Variants in WDR81 observed in about 807,000 individuals in gnomAD.
The protein encoded by WDR81 is WD repeat-containing protein 81.
A neutral mutation model predicts 140.8 loss-of-function variants in WDR81; 92 were observed. That is an observed-to-expected ratio of 0.65 (90% CI 0.55 to 0.78). The LOEUF (loss-of-function observed/expected upper bound fraction) is 0.78. WDR81 is among the 30% of genes least tolerant of loss of function. WDR81 has a pLI of 0.00. For synonymous variants in WDR81, 1,183 were observed against 1,156.4 expected (o/e 1.02, Z -0.47); for missense variants, 2,502 against 2,636.4 (o/e 0.95, Z 1.12).
Position 1,725,652 on chromosome 17 carries a change from G to GT in WDR81, c.694dup (p.Tyr232LeufsTer13). The GT allele has an allele frequency of 6.5e-7, 1 of 1,546,634 alleles. No homozygotes were observed. Among genetic ancestry groups the GT allele is most frequent in the Non-Finnish European group, 8.7e-7 (1 of 1,146,988 alleles). On this transcript the variant is annotated frameshift_variant, in exon 1 of 10. Transcript: ENST00000409644. LOFTEE classifies it high-confidence loss of function. ...CCTTGCTGGAGTCGCCGGAGATGCT[G>GT]TATGTGGTACACCCTTACGTACAGT...
At position 1,731,057 on chromosome 17, in the gene WDR81, G is replaced by A. The variant is rs755486492; in HGVS notation, c.3967-11G>A. ...GGGGCTGCCCGGCCCTCATCTGCTC[G>A]GTGGCTCTAGGTGGCCCCAGGGAGT... is the stretch of plus-strand genomic sequence containing the variant. On this transcript the variant is annotated splice_polypyrimidine_tract_variant and intron_variant, in intron 3 of 9. Transcript: ENST00000409644. 8.7e-6 allele frequency: 14 copies of A among 1,610,620 alleles called. No homozygotes were observed. The highest frequency in any genetic ancestry group is 8.0e-5 in the African/African-American group (6 of 74,908).
intron 7 of WDR81, among the ~76,000 whole-genome samples, chr17:1,734,486 G>C (rs1393917753): frequency 6.6e-6 from 1 of 152,234 alleles, no homozygotes; most frequent in African/African-American, 2.4e-5. Context: ...AACTGGCGTA[G>C]AAGATAACAC....
Position 1,735,463 on chromosome 17 carries a change from A to G in WDR81, c.5180-109A>G. On this transcript the variant is annotated intron_variant, in intron 7 of 9. Coordinates refer to ENST00000409644, the MANE Select transcript of WDR81 (RefSeq NM_001163809.2). This position sits in a 1 kb window ranked among gnomAD's most constrained non-coding sequence, Gnocchi z 4.2. The stretch of plus-strand genomic sequence containing the variant: ...GAAACATCTTTAGCATTTTCTAAGG[A>G]TCCCTGGGGGACGGGAGGCAGGTGT... 8.7e-7 allele frequency: 1 copy of G among 1,143,996 alleles called. No individual in the cohort carries two copies. Among genetic ancestry groups the G allele is most frequent in the Non-Finnish European group, 1.2e-6 (1 of 834,350 alleles). The allele number at this position is 1,143,996 out of a possible 1,614,324, so 70.9% of individuals were successfully genotyped here.
rs755144200 is a variant in WDR81 at position 1,734,045 on chromosome 17, C to T, written c.5008C>T (p.Arg1670Cys). The change falls in exon 7 of 10, where the codon CGT becomes TGT. Residue 1670 changes from arginine (R) to cysteine (C), a missense_variant. By Grantham distance (180) the Arg-to-Cys change is radical (BLOSUM62 -3). Coordinates refer to ENST00000409644, the MANE Select transcript of WDR81 (RefSeq NM_001163809.2). ...CTTCTTCCTGAGCGGCAGCAAGGATCGTACCGTGCGCCTCTGGCCGCTGTA... is the reference window on the plus strand; with the variant it reads ...CTTCTTCCTGAGCGGCAGCAAGGATTGTACCGTGCGCCTCTGGCCGCTGTA... The part of the protein sequence containing the change: ...EDFFLSGSKD[R>C]TVRLWPLYNY... 30 of 1,609,628 alleles carry T rather than the reference C, an allele frequency of 1.9e-5. 1 individual carries two copies. In the Admixed American group the frequency reaches 2.3e-4, roughly 13 times the overall value.
rs542515276 is a variant in WDR81, at chr17:1,734,065, G to T, written c.5028G>T (p.Pro1676=). 12 of 1,607,142 alleles carry T rather than the reference G, an allele frequency of 7.5e-6. No individual in the cohort carries two copies. The highest frequency in any genetic ancestry group is 4.0e-5 in the African/African-American group (3 of 75,048). ...GSKDRTVRLW[P]LYNYGDGTSE... ...AGGATCGTACCGTGCGCCTCTGGCC[G>T]CTGTACAACTACGGCGACGGGACCA... is the stretch of plus-strand genomic sequence containing the variant. Residue 1676 remains proline (P), a synonymous_variant, in exon 7 of 10, where the codon CCG becomes CCT. Coordinates refer to ENST00000409644, the MANE Select transcript of WDR81 (RefSeq NM_001163809.2).
intron 9 of WDR81, among the ~76,000 whole-genome samples, chr17:1,737,101 C>T (rs957540110): frequency 5.3e-5 from 8 of 152,180 alleles, no homozygotes; most frequent in Non-Finnish European, 1.0e-4. Flanking sequence ...AGGGTTGTTA[C>T]GAAGGTCAAG....
chr17:1,725,789 A>T lies in WDR81; in HGVS notation c.830A>T (p.Gln277Leu). 6.4e-7 allele frequency: 1 copy of T among 1,550,652 alleles called. No individual in the cohort carries two copies. The highest frequency in any genetic ancestry group is 8.7e-7 in the Non-Finnish European group (1 of 1,147,012). Residue 277 changes from glutamine (Q) to leucine (L), a missense_variant, in exon 1 of 10, where the codon CAG becomes CTG. This residue lies in a region of WDR81 where 547 missense variants were observed against 513.8 expected (regional missense o/e 1.06). Transcript: ENST00000409644. ...VLRAMDACHR[Q>L]GLACGALSLY... ...AGGGCTATGGACGCCTGTCACCGCC[A>T]GGGGCTGGCGTGTGGGGCCCTGTCT...
Position 1,735,610 on chromosome 17 carries a change from G to C in WDR81, c.5218G>C (p.Val1740Leu). The C allele has an allele frequency of 1.2e-6, 2 of 1,612,632 alleles. No homozygotes were observed. Among genetic ancestry groups the C allele is most frequent in the Non-Finnish European group, 8.5e-7 (1 of 1,179,896 alleles). Reference protein sequence around the residue: ...LRTVEPLDSRVPLTAVAVMPA... With the variant: ...LRTVEPLDSRLPLTAVAVMPA... ...CACAGTGGAGCCGCTGGACAGCCGGGTGCCCCTGACTGCGGTGGCTGTCAT... is the reference window on the plus strand; with the variant it reads ...CACAGTGGAGCCGCTGGACAGCCGGCTGCCCCTGACTGCGGTGGCTGTCAT... Residue 1740 changes from valine (V) to leucine (L), a missense_variant, in exon 8 of 10, where the codon GTG becomes CTG. Val to Leu is a conservative substitution (Grantham distance 32). Transcript: ENST00000409644. The surrounding 1 kb of genome is among the most constrained non-coding windows in gnomAD (Gnocchi z 4.2).
At chr17:1,721,252 G>C (rs1007628014), upstream of WDR81, among the ~76,000 whole-genome samples, 3 of 152,048 alleles carry the variant, frequency 2.0e-5, no homozygotes, top group Non-Finnish European at 4.4e-5. Context: ...CCAGCTACTC[G>C]GGATGCTGAG....
At chr17:1,722,525 T>TA (rs1390375874), upstream of WDR81, among the ~76,000 whole-genome samples, 1 of 151,564 alleles carries the variant, frequency 6.6e-6, no homozygotes, top group Admixed American at 6.6e-5. Context: ...TTTTGTATTT[T>TA]AGTAGAGATG....
intron 1 of WDR81, among the ~76,000 whole-genome samples, chr17:1,729,140 T>A (rs1915512880): frequency 6.6e-6 from 1 of 152,076 alleles, no homozygotes; most frequent in Non-Finnish European, 1.5e-5. Flanking sequence ...GTGTATTATG[T>A]TAGTGCGATA....
rs534888864 is a variant in WDR81, at chr17:1,728,062, G to C, written c.3103G>C (p.Gly1035Arg). 11 of 1,576,086 alleles carry C rather than the reference G, an allele frequency of 7.0e-6. No individual in the cohort carries two copies. Among genetic ancestry groups the C allele is most frequent in the Non-Finnish European group, 9.5e-6 (11 of 1,161,874 alleles). Reference sequence around the variant, plus strand: ...AGGGGCTGCTGAGGAGGAGGAGAGCGGGCTGCCCGGGGCCGGGCCTGGCTC... The same window carrying C: ...AGGGGCTGCTGAGGAGGAGGAGAGCCGGCTGCCCGGGGCCGGGCCTGGCTC... ...LAGAAEEEESGLPGAGPGSCA... is the reference protein window; with the variant it reads ...LAGAAEEEESRLPGAGPGSCA... Residue 1035 changes from glycine (G) to arginine (R), a missense_variant, in exon 1 of 10, where the codon GGG becomes CGG. By Grantham distance (125) the Gly-to-Arg change is moderately radical. Coordinates refer to ENST00000409644, the MANE Select transcript of WDR81 (RefSeq NM_001163809.2).
At position 1,716,607 on chromosome 17, in the gene WDR81, C is replaced by T; in HGVS notation, c.-150C>T. ...GTCCGTGTAGTTCTCAGCCTGACAC[C>T]GTCGTTCCCAGAACCCAGCGCGCTC... is the stretch of plus-strand genomic sequence containing the variant. On this transcript the variant is annotated 5_prime_UTR_variant, in exon 1 of 11. Coordinates refer to the WDR81 transcript ENST00000309182. 4 of 1,551,480 alleles carry T rather than the reference C, an allele frequency of 2.6e-6. No individual in the cohort carries two copies. In the South Asian group the frequency reaches 3.6e-5, roughly 14 times the overall value.
Position 1,726,797 on chromosome 17 carries a change from T to C in WDR81, c.1838T>C (p.Ile613Thr). 6.5e-7 allele frequency: 1 copy of C among 1,549,216 alleles called. No individual in the cohort carries two copies. Among genetic ancestry groups the C allele is most frequent in the Non-Finnish European group, 8.7e-7 (1 of 1,146,884 alleles). Residue 613 changes from isoleucine to threonine, a missense_variant, in exon 1 of 10, where the codon ATC (isoleucine) becomes ACC (threonine). Physicochemically the swap from Ile to Thr is moderately conservative, Grantham distance 89 (BLOSUM62 -1). Coordinates refer to ENST00000409644, the MANE Select transcript of WDR81 (RefSeq NM_001163809.2). ...PLIPKLLVQTIQETTGREDFT... is the reference protein window; with the variant it reads ...PLIPKLLVQTTQETTGREDFT... Reference sequence around the variant, plus strand: ...ATCCCCAAGCTGTTGGTCCAGACCATCCAGGAGACCACAGGCCGGGAGGAC... The same window carrying C: ...ATCCCCAAGCTGTTGGTCCAGACCACCCAGGAGACCACAGGCCGGGAGGAC...
Position 1,727,634 on chromosome 17 carries a change from T to C in WDR81, c.2675T>C (p.Val892Ala). The C allele has an allele frequency of 6.4e-7, 1 of 1,550,520 alleles. No individual in the cohort carries two copies. The highest frequency in any genetic ancestry group is 8.7e-7 in the Non-Finnish European group (1 of 1,147,028). ...ATCCTCCTGTACCAGGCAAGGCGTG[T>C]GGAGGACGAGGCCCAGGGGCGCGAG... ...RFILLYQARR[V>A]EDEAQGRELV... is the part of the protein sequence containing the mutation. The change falls in exon 1 of 10, where the codon GTG (valine) becomes GCG (alanine). Residue 892 changes from valine (V) to alanine (A), a missense_variant. Val to Ala is a moderately conservative substitution (Grantham distance 64, BLOSUM62 0). This residue lies in a region of WDR81 where 1,737 missense variants were observed against 1,843.0 expected (regional missense o/e 0.94). Transcript: ENST00000409644.
Position 1,733,554 on chromosome 17 carries a change from A to T in WDR81, c.4517A>T (p.Asn1506Ile), listed in dbSNP as rs1006344381. 2 of 1,519,102 alleles carry T rather than the reference A, an allele frequency of 1.3e-6. No individual in the cohort carries two copies. Among genetic ancestry groups the T allele is most frequent in the Non-Finnish European group, 8.8e-7 (1 of 1,134,898 alleles). The allele number at this position is 1,519,102 out of a possible 1,614,324, so 94.1% of individuals were successfully genotyped here. ...GACATCATCCGGAAAATCATCCCCA[A>T]CCACGAGCTGGTTGGGGAGCTGGCG... ...LGDIIRKIIP[N>I]HELVGELAAL... The change falls in exon 7 of 10, where the codon AAC (asparagine) becomes ATC (isoleucine). Residue 1506 changes from asparagine (N) to isoleucine (I), a missense_variant. Asn to Ile is a moderately radical substitution (Grantham distance 149). This residue lies in a region of WDR81 where 1,737 missense variants were observed against 1,843.0 expected (regional missense o/e 0.94). Transcript: ENST00000409644.
chr17:1,720,767 G>GAAAA (rs34403956), upstream of WDR81, among the ~76,000 whole-genome samples: 1 of 125,896 alleles, frequency 7.9e-6, no homozygotes, highest in Admixed American at 8.0e-5. Flanking sequence ...TCCGTATCAA[G>GAAAA]AAAAAAAAAA....
chr17:1,730,458 T>C lies in WDR81; in HGVS notation c.3746T>C (p.Leu1249Pro). 6.2e-7 allele frequency: 1 copy of C among 1,613,264 alleles called. No individual in the cohort carries two copies. ...GCCTCTCGCCACGTGGCCCGGAACC[T>C]GCTCCGCCTGCTGACGTCTTGTTAT... ...TVASRHVARN[L>P]LRLLTSCYVG... The change falls in exon 2 of 10, where the codon CTG becomes CCG. Residue 1249 changes from leucine to proline, a missense_variant. Around this residue, in one of 3 missense-constraint regions of WDR81, gnomAD observed 1,737 missense variants for 1,843.0 expected, o/e 0.94. Transcript: ENST00000409644.
At chr17:1,736,287 G>C in intron 9 of WDR81, 69 bp downstream of exon 9, 1 of 1,522,920 alleles carries the variant, frequency 6.6e-7, no homozygotes, top group Non-Finnish European at 8.8e-7. Context: ...CCCCTGCTTA[G>C]GGTCTGCCTG....
Sources: allele counts gnomAD v4.1 joint callset (sites outside exome capture counted in the v4.1 genomes callset), GRCh38; gene constraint gnomAD v4.1.1; regional missense constraint gnomAD v4.1.1; non-coding constraint Gnocchi (gnomAD v3.1); transcripts MANE v1.5; gene names NCBI Gene and HGNC (gene_info 2026-07-23, HGNC 2026-07-21).